Variants in CROCC2 observed in about 807,000 individuals in gnomAD.
CROCC2 encodes ciliary rootlet coiled-coil, rootletin family member 2, also known as ciliary rootlet coiled-coil protein 2.
A neutral mutation model predicts 177.6 loss-of-function variants in CROCC2; 163 were observed. The ratio of observed to expected loss-of-function variants is 0.92; its 90% CI spans 0.81 to 1.05. CROCC2 has a LOEUF of 1.05. Ranked by LOEUF, CROCC2 falls within the 50% of genes least tolerant of loss-of-function variation. The pLI is 0.00. For missense variants in CROCC2, 1,929 were observed against 1,797.8 expected (o/e 1.07, Z -1.32); for synonymous variants, 904 against 787.3 (o/e 1.15, Z -2.48).
At position 240,914,404 on chromosome 2, in the gene CROCC2, C is replaced by T. The variant is rs77501968; in HGVS notation, c.79-4322C>T. ...GGAGAACCCTGCGGGCCGATGCTGG[C>T]GCGCGCCTTCACTCTCGTGGACACA... On this transcript the variant is annotated intron_variant, in intron 1 of 31. Coordinates refer to ENST00000690015, the MANE Select transcript of CROCC2 (RefSeq NM_001351305.2). Among the ~76,000 whole-genome samples, 793 of 152,334 alleles carry T rather than the reference C, an allele frequency of 5.2e-3. 5 individuals carry two copies. Among genetic ancestry groups the T allele is most frequent in the African/African-American group, 0.018 (739 of 41,584 alleles).
At chr2:240,928,748 A>G (rs1294371294) in intron 5 of CROCC2, among the ~76,000 whole-genome samples, 1 of 138,178 alleles carries the variant, frequency 7.2e-6, no homozygotes, top group Non-Finnish European at 1.7e-5. Flanking sequence ...AGACAGGTGT[A>G]ACGGGCTCAG....
At chr2:240,983,269 C>T (rs1166677090) in intron 28 of CROCC2, 9 of 960,790 alleles carry the variant, frequency 9.4e-6, no homozygotes, top group Non-Finnish European at 1.3e-5. Context: ...GATTTCTTGC[C>T]GTACAGTAAG....
chr2:240,983,186 A>G, intron 28 of CROCC2, 157 bp downstream of exon 28: 1 of 880,486 alleles, frequency 1.1e-6, no homozygotes, highest in Non-Finnish European at 1.7e-6. Context: ...GCAGAGACCC[A>G]GGCACCATCC....
At chr2:240,950,913 A>ACCCATCCATCCACCCATTTACCC in intron 18 of CROCC2, 1 of 154,518 alleles carries the variant, frequency 6.5e-6, no homozygotes, top group Non-Finnish European at 1.3e-5. Flanking sequence ...CCATCCATCC[A>ACCCATCCATCCACCCATTTACCC]GCCATCCATC....
chr2:240,964,370 G>A lies in CROCC2; in HGVS notation c.3306-96G>A, dbSNP rs923959895. The A allele has an allele frequency of 8.4e-6, 12 of 1,422,446 alleles. No homozygotes were observed. The African/African-American group carries it at 1.3e-4, about 15-fold the overall frequency. The allele number at this position is 1,422,446 out of a possible 1,614,324, so 88.1% of individuals were successfully genotyped here. A position where few individuals can be genotyped will look rare whatever the true frequency, so the allele number is the denominator to read the frequency against. ...GGACACTGTGCAGAGTCAAGACTGG[G>A]GCCAGTGCCTCACTAGGGGAGGCAG... On this transcript the variant is annotated intron_variant, in intron 21 of 31. Coordinates refer to ENST00000690015, the MANE Select transcript of CROCC2 (RefSeq NM_001351305.2).
rs2106452531 is a variant in CROCC2, at chr2:240,918,097, C to T, written c.79-629C>T. ...CTGCCCACTTCTGGGCCTATTGGAG[C>T]CTCTTCCCTGGCAGTCGGCTTTCAT... On this transcript the variant is annotated intron_variant, in intron 1 of 31. Transcript: ENST00000690015. This position sits in a 1 kb window ranked among gnomAD's most constrained non-coding sequence, Gnocchi z 6.3. 6.6e-6 allele frequency among the ~76,000 whole-genome samples: 1 copy of T among 152,328 alleles called. No homozygotes were observed. Among genetic ancestry groups the T allele is most frequent in the South Asian group, 2.1e-4 (1 of 4,828 alleles).
intron 28 of CROCC2, among the ~76,000 whole-genome samples, chr2:240,986,231 G>A (rs1337343227): frequency 6.6e-6 from 1 of 152,204 alleles, no homozygotes; most frequent in Non-Finnish European, 1.5e-5. Flanking sequence ...GTGCAGGGTG[G>A]GGTAGTCCTG....
rs1351245064 is a variant in CROCC2, at chr2:240,935,528, G to A, written c.2109G>A (p.Leu703=). The change falls in exon 14 of 32, where the codon CTG becomes CTA. Residue 703 remains leucine, a synonymous_variant. Coordinates refer to ENST00000690015, the MANE Select transcript of CROCC2 (RefSeq NM_001351305.2). Reference sequence around the variant, plus strand: ...GCCTGGAGCAGCGGCAGGAGCAGCTGGAGGGGCAGGCAGCCCTGCTGGGGC... The same window carrying A: ...GCCTGGAGCAGCGGCAGGAGCAGCTAGAGGGGCAGGCAGCCCTGCTGGGGC... The part of the protein sequence containing the change: ...CGRLEQRQEQ[L]EGQAALLGRE... 5.2e-6 allele frequency: 7 copies of A among 1,349,510 alleles called. No homozygotes were observed. Among genetic ancestry groups the A allele is most frequent in the Non-Finnish European group, 6.7e-6 (7 of 1,048,588 alleles). The allele number at this position is 1,349,510 out of a possible 1,614,324, so 83.6% of individuals were successfully genotyped here. A position where few individuals can be genotyped will look rare whatever the true frequency, so the allele number is the denominator to read the frequency against.
chr2:240,933,697 G>A lies in CROCC2; in HGVS notation c.1491G>A (p.Val497=). 8 of 1,550,388 alleles carry A rather than the reference G, an allele frequency of 5.2e-6. No individual in the cohort carries two copies. The highest frequency in any genetic ancestry group is 2.4e-5 in the South Asian group (2 of 84,058). The stretch of plus-strand genomic sequence containing the variant: ...AGAAGGCTGCTCTGGAGATGGTGGT[G>A]GAGGAGCTGAAAGGGAAGGCAGATG... The part of the protein sequence containing the change: ...GREKAALEMV[V]EELKGKADAA... Residue 497 remains valine, a synonymous_variant, in exon 11 of 32, where the codon GTG becomes GTA. Coordinates refer to ENST00000690015, the MANE Select transcript of CROCC2 (RefSeq NM_001351305.2).
At chr2:240,966,080 C>T in intron 24 of CROCC2, 87 bp downstream of exon 24, 2 of 1,282,308 alleles carry the variant, frequency 1.6e-6, no homozygotes, top group Non-Finnish European at 2.0e-6. Context: ...ACAACTCACA[C>T]AGTGAGGGAC....
rs908540995 is a variant in CROCC2 at position 240,933,218 on chromosome 2, G to A, written c.1339G>A (p.Ala447Thr). 1.4e-5 allele frequency: 22 copies of A among 1,549,816 alleles called. No individual in the cohort carries two copies. The highest frequency in any genetic ancestry group is 4.9e-5 in the East Asian group (2 of 40,896). The change falls in exon 10 of 32, where the codon GCA becomes ACA. Residue 447 changes from alanine to threonine, a missense_variant. Physicochemically the swap from Ala to Thr is moderately conservative, Grantham distance 58. Around this residue, in one of 3 missense-constraint regions of CROCC2, gnomAD observed 1,397 missense variants for 1,239.9 expected, o/e 1.13. Coordinates refer to ENST00000690015, the MANE Select transcript of CROCC2 (RefSeq NM_001351305.2). ...CGAAAGCCGGCGGGAGCTGTGGGCC[G>A]CACAGAAGCTCCAGCAGGAGCGGGC... Reference protein sequence around the residue: ...LSESRRELWAAQKLQQERARE... With the variant: ...LSESRRELWATQKLQQERARE...
At chr2:240,975,746 T>TTTTG (rs2059757189) in intron 27 of CROCC2, among the ~76,000 whole-genome samples, 1 of 113,320 alleles carries the variant, frequency 8.8e-6, no homozygotes, top group Non-Finnish European at 1.7e-5. Context: ...TTTTTTTTTT[T>TTTTG]GAGACAGAGT....
chr2:240,963,348 G>A lies in CROCC2; in HGVS notation c.3088-208G>A, dbSNP rs190307891. On this transcript the variant is annotated intron_variant, in intron 20 of 31. Transcript: ENST00000690015. ...CAAGGTGGGGTCTTCTGGGCTCTTA[G>A]GCTGGCCCTGCCTCAGCCCGTGGAA... The A allele has an allele frequency of 1.6e-4, 90 of 565,416 alleles. No individual in the cohort carries two copies. In the East Asian group the frequency reaches 2.3e-3, roughly 15 times the overall value. 35.0% of individuals were successfully genotyped at this position (565,416 alleles called of 1,614,324 possible). A position where few individuals can be genotyped will look rare whatever the true frequency, so the allele number is the denominator to read the frequency against.
intron 7 of CROCC2, 106 bp from the exon 8 acceptor site, chr2:240,932,212 G>T: frequency 1.6e-6 from 1 of 625,884 alleles, no homozygotes; most frequent in East Asian, 2.8e-5. Flanking sequence ...ACCCAGCACC[G>T]GCAGGGGGGC....
At chr2:240,933,589 C>A (rs961288565) in intron 10 of CROCC2, 81 bp from the exon 11 acceptor site, 7 of 1,457,320 alleles carry the variant, frequency 4.8e-6, no homozygotes, top group Non-Finnish European at 6.5e-6. Flanking sequence ...GGCATCCACC[C>A]AGCCCCCAAT....
chr2:240,931,734 C>T (rs137983467), intron 7 of CROCC2, among the ~76,000 whole-genome samples: 121 of 152,326 alleles, frequency 7.9e-4, no homozygotes, highest in Non-Finnish European at 1.2e-3. Context: ...TGTCCACAAA[C>T]ACCCCACCAG....
At chr2:240,971,557 G>T (rs2106483359) in intron 27 of CROCC2, among the ~76,000 whole-genome samples, 1 of 152,260 alleles carries the variant, frequency 6.6e-6, no homozygotes, top group East Asian at 1.9e-4. Flanking sequence ...TTCCAGAGTG[G>T]CAGCCAGAGG....
In CROCC2 at chr2:240,982,935, G is replaced by T. The variant is rs779605656; in HGVS notation, c.4457G>T (p.Gly1486Val). The T allele has an allele frequency of 4.1e-4, 636 of 1,550,448 alleles. 1 individual carries two copies. The highest frequency in any genetic ancestry group is 2.4e-3 in the Admixed American group (122 of 51,006). ...ALEESRRHSQ[G>V]LAKQGKLLEE... ...GAAGAGAGCAGGAGGCACAGCCAAG[G>T]TCTGGCCAAGCAGGGGAAGCTGCTG... The change falls in exon 28 of 32, where the codon GGT becomes GTT. Residue 1486 changes from glycine (G) to valine (V), a missense_variant. By Grantham distance (109) the Gly-to-Val change is moderately radical (BLOSUM62 -3). Around this residue, in one of 3 missense-constraint regions of CROCC2, gnomAD observed 388 missense variants for 352.7 expected, o/e 1.10. Coordinates refer to ENST00000690015, the MANE Select transcript of CROCC2 (RefSeq NM_001351305.2). The surrounding 1 kb of genome is among the most constrained non-coding windows in gnomAD (Gnocchi z 4.7).
chr2:240,964,556 G>A lies in CROCC2; in HGVS notation c.3396G>A (p.Arg1132=), dbSNP rs1364870917. The A allele has an allele frequency of 6.5e-7, 1 of 1,549,508 alleles. No homozygotes were observed. Among genetic ancestry groups the A allele is most frequent in the Non-Finnish European group, 8.7e-7 (1 of 1,146,772 alleles). The change falls in exon 22 of 32, where the codon CGG becomes CGA. Residue 1132 remains arginine (R), a synonymous_variant. Coordinates refer to ENST00000690015, the MANE Select transcript of CROCC2 (RefSeq NM_001351305.2). ...AALQQEASAL[R]AHLWELEQAG... is the part of the protein sequence containing the mutation. ...TGCAGCAGGAGGCCAGTGCACTGCG[G>A]GCCCACCTGTGGGAGCTGGAGCAGG...
Sources: gnomAD v4.1 joint callset for allele counts (sites outside exome capture counted in the v4.1 genomes callset) on GRCh38, gnomAD v4.1.1 for gene constraint, gnomAD v4.1.1 regional missense constraint, Gnocchi (gnomAD v3.1) non-coding constraint, MANE v1.5 for transcripts, NCBI Gene and HGNC (gene_info 2026-07-23, HGNC 2026-07-21) for gene names.